Variants in ST8SIA6 observed in about 807,000 individuals in gnomAD.
The protein encoded by ST8SIA6 is ST8 alpha-N-acetyl-neuraminide alpha-2,8-sialyltransferase 6, also known as alpha-2,8-sialyltransferase 8F.
A neutral mutation model predicts 33.6 loss-of-function variants in ST8SIA6; 39 were observed. The ratio of observed to expected loss-of-function variants is 1.16; its 90% CI spans 0.90 to 1.52. ST8SIA6 has a LOEUF of 1.52. Among genes scored for constraint, ST8SIA6 ranks in the 40% most tolerant of loss-of-function variants. ST8SIA6 has a pLI of 0.00. For synonymous variants in ST8SIA6, 172 were observed against 167.2 expected (o/e 1.03, Z -0.22); for missense variants, 441 against 443.8 (o/e 0.99, Z 0.06).
Position 17,321,020 on chromosome 10 carries a change from T to C in ST8SIA6, c.1055A>G (p.Asp352Gly), listed in dbSNP as rs779333658. 1 of 1,614,092 alleles carries C rather than the reference T, an allele frequency of 6.2e-7. No individual in the cohort carries two copies. Among genetic ancestry groups the C allele is most frequent in the African/African-American group, 1.3e-5 (1 of 75,042 alleles). ...GFWPFSKTVE[D>G]IPVSHHYYDN... ...ATAATAGTGATGGCTGACAGGTATG[T>C]CTTCTACAGTTTTAGAGAAGGGCCA... The change falls in exon 8 of 8, where the codon GAC (aspartate) becomes GGC (glycine). Residue 352 changes from aspartate to glycine, a missense_variant. Transcript: ENST00000377602.
chr10:17,337,203 T>C (rs976332064), intron 4 of ST8SIA6, among the ~76,000 whole-genome samples: 1 of 152,078 alleles, frequency 6.6e-6, no homozygotes, highest in African/African-American at 2.4e-5. Flanking sequence ...TCTTCCGCCA[T>C]GATTATAAGT....
intron 4 of ST8SIA6, among the ~76,000 whole-genome samples, chr10:17,343,236 G>C (rs12246963): frequency 0.047 from 7,186 of 152,138 alleles, 419 homozygotes; most frequent in African/African-American, 0.13. Context: ...GGTGAACAAC[G>C]GTTGTTAACT....
chr10:17,356,341 C>T (rs775690363), intron 4 of ST8SIA6, among the ~76,000 whole-genome samples: 5 of 151,820 alleles, frequency 3.3e-5, no homozygotes, highest in Non-Finnish European at 5.9e-5. Context: ...TGTCTGTGTG[C>T]CTGTTCTCTT....
chr10:17,421,813 C>T (rs1851788071), intron 2 of ST8SIA6, among the ~76,000 whole-genome samples: 1 of 152,152 alleles, frequency 6.6e-6, no homozygotes, highest in Non-Finnish European at 1.5e-5. Context: ...GTCATCCTCC[C>T]TCTTTGGCTT....
At position 17,402,967 on chromosome 10, in the gene ST8SIA6, C is replaced by A. The variant is rs1381344508; in HGVS notation, c.201-12347G>T. On this transcript the variant is annotated intron_variant, in intron 2 of 7. Coordinates refer to ENST00000377602, the MANE Select transcript of ST8SIA6 (RefSeq NM_001004470.3). ...AACAAAAGTCAAAGAAGTATGTGAT[C>A]TCAACAGTGCAAACCTATCCACTGT... Among the ~76,000 whole-genome samples the A allele has an allele frequency of 2.0e-5, 3 of 152,274 alleles. No homozygotes were observed. In the East Asian group the frequency reaches 5.8e-4, roughly 29 times the overall value.
chr10:17,372,093 C>T (rs947336278), intron 3 of ST8SIA6, among the ~76,000 whole-genome samples: 3 of 152,090 alleles, frequency 2.0e-5, no homozygotes, highest in Admixed American at 6.6e-5. Flanking sequence ...TAATGTACGA[C>T]TAGAACTTAA....
At chr10:17,435,263 A>G (rs1852216009) in intron 2 of ST8SIA6, among the ~76,000 whole-genome samples, 2 of 152,106 alleles carry the variant, frequency 1.3e-5, no homozygotes, top group Admixed American at 1.3e-4. Flanking sequence ...TGTCCCCAAA[A>G]GCCTGTCATA....
chr10:17,372,239 T>C (rs183774375), intron 3 of ST8SIA6, among the ~76,000 whole-genome samples: 1 of 152,350 alleles, frequency 6.6e-6, no homozygotes, highest in East Asian at 1.9e-4. Flanking sequence ...GCTATCTAAG[T>C]ATATTTCTAT....
intron 3 of ST8SIA6, among the ~76,000 whole-genome samples, chr10:17,379,320 A>AGGAGAGGG (rs138746632): frequency 0.066 from 10,043 of 151,954 alleles, 490 homozygotes; most frequent in African/African-American, 0.14. Flanking sequence ...AAAGAGTAAG[A>AGGAGAGGG]ATGAGAAAAG....
chr10:17,393,823 G>A (rs1285095932), intron 2 of ST8SIA6, among the ~76,000 whole-genome samples: 1 of 152,152 alleles, frequency 6.6e-6, no homozygotes, highest in Non-Finnish European at 1.5e-5. Flanking sequence ...TCTAAAAACT[G>A]CCTGCAGAGT....
intron 3 of ST8SIA6, among the ~76,000 whole-genome samples, chr10:17,387,505 G>C (rs1184002224): frequency 6.6e-6 from 1 of 151,204 alleles, no homozygotes; most frequent in Non-Finnish European, 1.5e-5. Context: ...CACCTCGGGT[G>C]ATCTGCCCGC....
chr10:17,360,582 GAAAGA>G (rs1849347459), intron 3 of ST8SIA6, among the ~76,000 whole-genome samples: 1 of 131,738 alleles, frequency 7.6e-6, no homozygotes, highest in East Asian at 2.5e-4. Context: ...ACAAAGGCCA[GAAAGA>G]GGTGGGGGTG....
intron 3 of ST8SIA6, among the ~76,000 whole-genome samples, chr10:17,359,850 C>T (rs540896661): frequency 1.2e-4 from 19 of 152,198 alleles, no homozygotes; most frequent in South Asian, 8.3e-4. Flanking sequence ...ACCGTGACAA[C>T]ACACCAACTT....
chr10:17,344,673 A>C (rs1383983042), intron 4 of ST8SIA6, among the ~76,000 whole-genome samples: 1 of 152,314 alleles, frequency 6.6e-6, no homozygotes, highest in East Asian at 1.9e-4. Context: ...AATTTTGGAA[A>C]TTGTGATTAA....
intron 2 of ST8SIA6, among the ~76,000 whole-genome samples, chr10:17,447,854 G>T (rs982594382): frequency 2.0e-5 from 3 of 152,128 alleles, no homozygotes; most frequent in South Asian, 2.1e-4. Flanking sequence ...TCACTCTGTT[G>T]TCCAGGATAG....
At position 17,328,229 on chromosome 10, in the gene ST8SIA6, A is replaced by G. The variant is rs192508900; in HGVS notation, c.523-1103T>C. 5.1e-3 allele frequency among the ~76,000 whole-genome samples: 783 copies of G among 152,318 alleles called. 3 individuals carry two copies. The highest frequency in any genetic ancestry group is 0.013 in the Admixed American group (193 of 15,298). The stretch of plus-strand genomic sequence containing the variant: ...AATTTCCTGTGCTTCTTAAATAGTT[A>G]GACCTTCAGGCTCAGTAAGGCATTA... On this transcript the variant is annotated intron_variant, in intron 5 of 7. Coordinates refer to ENST00000377602, the MANE Select transcript of ST8SIA6 (RefSeq NM_001004470.3).
At chr10:17,424,517 C>G (rs1851874026) in intron 2 of ST8SIA6, among the ~76,000 whole-genome samples, 1 of 152,138 alleles carries the variant, frequency 6.6e-6, no homozygotes, top group African/African-American at 2.4e-5. Context: ...TATAAGCCTG[C>G]CATCTATTAA....
At chr10:17,444,780 A>G (rs1230997706) in intron 2 of ST8SIA6, among the ~76,000 whole-genome samples, 3 of 152,242 alleles carry the variant, frequency 2.0e-5, no homozygotes, top group African/African-American at 7.2e-5. Flanking sequence ...CAAGGAGAAA[A>G]GCAAGTCACA....
intron 4 of ST8SIA6, among the ~76,000 whole-genome samples, chr10:17,344,710 C>A (rs1299274764): frequency 6.6e-6 from 1 of 152,084 alleles, no homozygotes; most frequent in Non-Finnish European, 1.5e-5. Flanking sequence ...CTGAATGTTC[C>A]CAGCTATATT....
Sources: gnomAD v4.1 joint callset for allele counts (sites outside exome capture counted in the v4.1 genomes callset) on GRCh38, gnomAD v4.1.1 for gene constraint, MANE v1.5 for transcripts, NCBI Gene and HGNC (gene_info 2026-07-23, HGNC 2026-07-21) for gene names.